CCL16: variants seen among roughly 807,000 people sequenced by gnomAD.
CCL16 encodes C-C motif chemokine ligand 16, also known as C-C motif chemokine 16.
CCL16 carries 6 observed loss-of-function variants against 7.5 expected under a neutral mutation model. The observed-to-expected ratio is 0.80, with a 90% confidence interval of 0.44 to 1.57. The LOEUF (loss-of-function observed/expected upper bound fraction) is 1.57, where lower values mean the gene tolerates loss of function less well. Ranked by LOEUF, CCL16 falls within the 40% of genes most tolerant of loss-of-function variation. The pLI, the probability that CCL16 is intolerant of heterozygous loss-of-function variation, is 0.01. For synonymous variants in CCL16, 60 were observed against 57.7 expected, an observed-to-expected ratio of 1.04 and a Z score of -0.18; for missense variants, 134 against 142.9, an observed-to-expected ratio of 0.94 and a Z score of 0.32.
intron 1 of CCL16, among the ~76,000 whole-genome samples, chr17:35,980,961 C>A (rs113688187): frequency 6.6e-6 from 1 of 152,142 alleles, no homozygotes; most frequent in Non-Finnish European, 1.5e-5. Flanking sequence ...TCCTTCCTCT[C>A]GCCACTCATT....
intron 2 of CCL16, 113 bp from the exon 3 acceptor site, chr17:35,977,844 G>A (rs1215528921): frequency 8.1e-7 from 1 of 1,231,494 alleles, no homozygotes; most frequent in African/African-American, 1.5e-5. Flanking sequence ...AGCTTCCCTG[G>A]GCCTGTCCTG....
At chr17:35,980,217 AG>A (rs1216335954) in intron 1 of CCL16, 1 of 152,590 alleles carries the variant, frequency 6.6e-6, no homozygotes, top group Admixed American at 6.5e-5. Context: ...ACTACATGCC[AG>A]GGTGACCTTA....
At chr17:35,978,086 T>A in intron 2 of CCL16, 57 bp downstream of exon 2, 1 of 1,611,200 alleles carries the variant, frequency 6.2e-7, no homozygotes, top group Non-Finnish European at 8.5e-7. Context: ...TGTATCTCAT[T>A]CCTGCCCCTG....
Position 35,977,669 on chromosome 17 carries a change from T to A in CCL16, c.260A>T (p.Tyr87Phe). 1 of 1,612,304 alleles carries A rather than the reference T, an allele frequency of 6.2e-7. No individual in the cohort carries two copies. The highest frequency in any genetic ancestry group is 1.3e-5 in the African/African-American group (1 of 74,968). Residue 87 changes from tyrosine to phenylalanine, a missense_variant, in exon 3 of 3, where the codon TAC becomes TTC. Coordinates refer to ENST00000611905, the MANE Select transcript of CCL16 (RefSeq NM_004590.4). The stretch of plus-strand genomic sequence containing the variant: ...CAAAGGTAGGTTGGGATCCTTGATG[T>A]ACTCTTGGACCCAGTCGTCATTGGG... ...TNPNDDWVQE[Y>F]IKDPNLPLLP...
chr17:35,977,911 C>G (rs1339767410), intron 2 of CCL16, among the ~76,000 whole-genome samples, 180 bp from the exon 3 acceptor site: 2 of 152,164 alleles, frequency 1.3e-5, no homozygotes, highest in African/African-American at 2.4e-5. Flanking sequence ...CATCCCTTCT[C>G]TCAGTCCCTT....
rs2089654863 is a variant in CCL16 at position 35,978,191 on chromosome 17, A to G, written c.149T>C (p.Leu50Pro). 1.2e-6 allele frequency: 2 copies of G among 1,614,044 alleles called. No individual in the cohort carries two copies. Among genetic ancestry groups the G allele is most frequent in the Admixed American group, 1.7e-5 (1 of 60,006 alleles). Residue 50 changes from leucine to proline, a missense_variant, in exon 2 of 3, where the codon CTA becomes CCA. Leu to Pro is a moderately conservative substitution (Grantham distance 98). Transcript: ENST00000611905. ...GAGGGCCTTTCTGTATCCCACCACT[A>G]GTCTCCTTGGCAACACTTTCTCATA... The part of the protein sequence containing the change: ...KYYEKVLPRR[L>P]VVGYRKALNC...
chr17:35,981,043 G>C (rs1323631488), intron 1 of CCL16, among the ~76,000 whole-genome samples: 2 of 151,980 alleles, frequency 1.3e-5, no homozygotes, highest in Non-Finnish European at 2.9e-5. Context: ...TGCACTTCTT[G>C]TTGCATTTTC....
Position 35,981,491 on chromosome 17 carries a change from G to A in CCL16, c.-71C>T. 9.1e-7 allele frequency: 1 copy of A among 1,104,818 alleles called. No homozygotes were observed. Among genetic ancestry groups the A allele is most frequent in the South Asian group, 1.4e-5 (1 of 72,722 alleles). 68.4% of individuals were successfully genotyped at this position (1,104,818 alleles called of 1,614,324 possible). A position where few individuals can be genotyped will look rare whatever the true frequency, so the allele number is the denominator to read the frequency against. ...GTTGTCTGTTGCTGGTGGTCCGCTT[G>A]CCAACTACTCAGCTCTCTGGACCTT... On this transcript the variant is annotated 5_prime_UTR_variant, in exon 1 of 3. Transcript: ENST00000611905.
rs1464060071 is a variant in CCL16 at position 35,978,162 on chromosome 17, A to G, written c.178T>C (p.Cys60Arg). 2.5e-6 allele frequency: 4 copies of G among 1,614,086 alleles called. No individual in the cohort carries two copies. In the African/African-American group the frequency reaches 5.3e-5, roughly 22 times the overall value. The part of the protein sequence containing the change: ...LVVGYRKALN[C>R]HLPAIIFVTK... The stretch of plus-strand genomic sequence containing the variant: ...GCTTACATGATTGCTGGCAGGTGAC[A>G]GTTGAGGGCCTTTCTGTATCCCACC... Residue 60 changes from cysteine (C) to arginine (R), a missense_variant, in exon 2 of 3, where the codon TGT becomes CGT. Physicochemically the swap from Cys to Arg is radical, Grantham distance 180. Transcript: ENST00000611905.
Position 35,981,478 on chromosome 17 carries a change from T to C in CCL16, c.-58A>G. The stretch of plus-strand genomic sequence containing the variant: ...GCCGAATGAAGATGTTGTCTGTTGC[T>C]GGTGGTCCGCTTGCCAACTACTCAG... On this transcript the variant is annotated 5_prime_UTR_variant, in exon 1 of 3. Coordinates refer to ENST00000611905, the MANE Select transcript of CCL16 (RefSeq NM_004590.4). 1 of 1,337,256 alleles carries C rather than the reference T, an allele frequency of 7.5e-7. No individual in the cohort carries two copies. Among genetic ancestry groups the C allele is most frequent in the Non-Finnish European group, 1.1e-6 (1 of 949,104 alleles). The allele number at this position is 1,337,256 out of a possible 1,614,324, so 82.8% of individuals were successfully genotyped here. A position where few individuals can be genotyped will look rare whatever the true frequency, so the allele number is the denominator to read the frequency against.
At chr17:35,977,752 C>G (rs116832677) in intron 2 of CCL16, 21 bp from the exon 3 acceptor site, 1 of 1,608,106 alleles carries the variant, frequency 6.2e-7, no homozygotes, top group African/African-American at 1.3e-5. Flanking sequence ...AGAATTAGAC[C>G]GTCATGGGCT....
chr17:35,978,313 C>T, intron 1 of CCL16, 50 bp from the exon 2 acceptor site: 2 of 1,612,440 alleles, frequency 1.2e-6, no homozygotes, highest in Non-Finnish European at 8.5e-7. Context: ...GGGGAGACCA[C>T]AGCTGCCCAC....
intron 1 of CCL16, among the ~76,000 whole-genome samples, chr17:35,979,702 A>G (rs2089666758): frequency 1.3e-5 from 2 of 152,138 alleles, no homozygotes; most frequent in South Asian, 2.1e-4. Context: ...CAATGGTAGT[A>G]ATGACTGCTC....
intron 1 of CCL16, 41 bp from the exon 2 acceptor site, chr17:35,978,304 G>A (rs1308436500): frequency 8.7e-6 from 14 of 1,613,420 alleles, no homozygotes; most frequent in Non-Finnish European, 9.3e-6. Flanking sequence ...GGAAGCAGAG[G>A]GGAGACCACA....
chr17:35,979,105 G>A (rs2089662244), intron 1 of CCL16: 1 of 151,674 alleles, frequency 6.6e-6, no homozygotes, highest in Non-Finnish European at 1.5e-5. Context: ...CCCAGCCTGG[G>A]CGAAAGAGTG....
At chr17:35,977,874 C>CCT in intron 2 of CCL16, 143 bp from the exon 3 acceptor site, 1 of 955,102 alleles carries the variant, frequency 1.0e-6, no homozygotes, top group Non-Finnish European at 1.6e-6. Context: ...CCTCAGACAG[C>CCT]CTCTCTCTCT....
In CCL16 at chr17:35,981,243, T is replaced by C. The variant is rs540694567; in HGVS notation, c.76+102A>G. 6 of 715,752 alleles carry C rather than the reference T, an allele frequency of 8.4e-6. No individual in the cohort carries two copies. The East Asian group carries it at 1.6e-4, about 19-fold the overall frequency. 44.3% of individuals were successfully genotyped at this position (715,752 alleles called of 1,614,324 possible). A position where few individuals can be genotyped will look rare whatever the true frequency, so the allele number is the denominator to read the frequency against. On this transcript the variant is annotated intron_variant, in intron 1 of 2. Transcript: ENST00000611905. ...ATGAAGGTGGGGAGAGCCCACAGGG[T>C]CTTATGAGGCCAGAGACCCGACAGC...
chr17:35,979,286 G>T (rs2089663754), intron 1 of CCL16, among the ~76,000 whole-genome samples: 1 of 152,144 alleles, frequency 6.6e-6, no homozygotes, highest in Non-Finnish European at 1.5e-5. Context: ...AATGGGCAGA[G>T]ATGAAACTGG....
At chr17:35,977,836 C>A in intron 2 of CCL16, 105 bp from the exon 3 acceptor site, 1 of 1,315,488 alleles carries the variant, frequency 7.6e-7, no homozygotes, top group Non-Finnish European at 1.1e-6. Flanking sequence ...TTCTTTAAAG[C>A]TTCCCTGGGC....
Sources: gnomAD v4.1 joint callset for allele counts (sites outside exome capture counted in the v4.1 genomes callset) on GRCh38, gnomAD v4.1.1 for gene constraint, MANE v1.5 for transcripts, NCBI Gene and HGNC (gene_info 2026-07-23, HGNC 2026-07-21) for gene names.